Variants in KLHL29 observed in about 807,000 individuals in gnomAD.
KLHL29 encodes the protein kelch-like protein 29.
Under a neutral mutation model 80.4 loss-of-function variants are expected in KLHL29, and 21 were observed. The ratio of observed to expected loss-of-function variants is 0.26; its 90% confidence interval spans 0.19 to 0.38. The LOEUF is 0.38. Among genes scored for constraint, KLHL29 ranks in the 10% least tolerant of loss-of-function variants. KLHL29 has a pLI of 1.00. For synonymous variants in KLHL29, 511 were observed against 526.8 expected (o/e 0.97, Z 0.41); for missense variants, 867 against 1,223.9 (o/e 0.71, Z 4.35).
At chr2:23,496,162 C>T (rs754444537) in intron 2 of KLHL29, among the ~76,000 whole-genome samples, 2 of 152,210 alleles carry the variant, frequency 1.3e-5, no homozygotes, top group African/African-American at 2.4e-5. Context: ...CCGGCTTACC[C>T]GCTGCAGCAG....
intron 1 of KLHL29, among the ~76,000 whole-genome samples, chr2:23,421,695 G>C (rs1662811875): frequency 6.6e-6 from 1 of 150,562 alleles, no homozygotes; most frequent in African/African-American, 2.4e-5. Flanking sequence ...GTGTGACTGT[G>C]TATGTGTGAC....
rs942406858 is a variant in KLHL29 at position 23,647,924 on chromosome 2, G to A, written c.940+5074G>A. Among the ~76,000 whole-genome samples, 12 of 152,094 alleles carry A rather than the reference G, an allele frequency of 7.9e-5. No homozygotes were observed. Among genetic ancestry groups the A allele is most frequent in the African/African-American group, 1.2e-4 (5 of 41,394 alleles). On this transcript the variant is annotated intron_variant, in intron 5 of 13. Coordinates refer to ENST00000486442, the MANE Select transcript of KLHL29 (RefSeq NM_052920.2). The surrounding 1 kb of genome is among the most constrained non-coding windows in gnomAD (Gnocchi z 4.9). The stretch of plus-strand genomic sequence containing the variant: ...CCACTCCCCCCTCAGTATCCAAGCC[G>A]GTACCAGCACTCAGAGATGCCCCAG...
At chr2:23,484,261 G>C (rs1042936808) in intron 2 of KLHL29, among the ~76,000 whole-genome samples, 2 of 152,200 alleles carry the variant, frequency 1.3e-5, no homozygotes, top group Non-Finnish European at 2.9e-5. Context: ...CAGGCTGGTT[G>C]TGAAGAGAAT....
At chr2:23,449,806 A>G (rs1220178659) in intron 1 of KLHL29, among the ~76,000 whole-genome samples, 1 of 152,168 alleles carries the variant, frequency 6.6e-6, no homozygotes, top group African/African-American at 2.4e-5. Flanking sequence ...AACTCCTTGG[A>G]AAGCATAGCT....
chr2:23,515,621 A>T (rs1459887246), intron 2 of KLHL29, among the ~76,000 whole-genome samples: 1 of 152,182 alleles, frequency 6.6e-6, no homozygotes, highest in East Asian at 1.9e-4. Flanking sequence ...TATCTGTCTG[A>T]CCATCCCCCA....
In KLHL29 at chr2:23,548,601, C is replaced by T. The variant is rs143970861; in HGVS notation, c.-45-13551C>T. 4.9e-3 allele frequency among the ~76,000 whole-genome samples: 752 copies of T among 152,324 alleles called. 5 individuals carry two copies. The highest frequency in any genetic ancestry group is 0.017 in the African/African-American group (724 of 41,568). On this transcript the variant is annotated intron_variant, in intron 2 of 13. Transcript: ENST00000486442. The stretch of plus-strand genomic sequence containing the variant: ...ATGCGCCAACCCATCTCTCCTTTTG[C>T]CACAGTGGCCAGTCTGACAGCCGGG...
intron 1 of KLHL29, among the ~76,000 whole-genome samples, chr2:23,423,491 G>A (rs1340284075): frequency 6.6e-6 from 1 of 152,226 alleles, no homozygotes; most frequent in African/African-American, 2.4e-5. Context: ...TCCGTGCCTT[G>A]TCCTCTCAGA....
chr2:23,689,396 AC>A (rs1026652878), intron 6 of KLHL29: 1 of 152,134 alleles, frequency 6.6e-6, no homozygotes, highest in African/African-American at 2.4e-5. Flanking sequence ...GACAGGCAGC[AC>A]CCCTCAGGGC....
At position 23,539,431 on chromosome 2, in the gene KLHL29, C is replaced by CTTTTTTTTTTTTTTTTTTTTTTT. The variant is rs1666768797; in HGVS notation, c.-45-22721_-45-22720insTTTTTTTTTTTTTTTTTTTTTTT. On this transcript the variant is annotated intron_variant, in intron 2 of 13. Coordinates refer to ENST00000486442, the MANE Select transcript of KLHL29 (RefSeq NM_052920.2). ...ATGCTTTGCTAGCCTTATCCTGCCTCCTTTTTTTTTTTTTTTTTTTTTTTT... is the reference window on the plus strand; with the variant it reads ...ATGCTTTGCTAGCCTTATCCTGCCTCTTTTTTTTTTTTTTTTTTTTTTTCTTTTTTTTTTTTTTTTTTTTTTTT... Among the ~76,000 whole-genome samples, 5 of 107,216 alleles carry CTTTTTTTTTTTTTTTTTTTTTTT rather than the reference C, an allele frequency of 4.7e-5. 2 individuals are homozygous for CTTTTTTTTTTTTTTTTTTTTTTT. The highest frequency in any genetic ancestry group is 7.1e-5 in the African/African-American group (2 of 28,106). The allele number at this position is 107,216 out of a possible 152,430, so 70.3% of individuals were successfully genotyped here. A position where few individuals can be genotyped will look rare whatever the true frequency, so the allele number is the denominator to read the frequency against.
intron 2 of KLHL29, among the ~76,000 whole-genome samples, chr2:23,533,152 T>G (rs947296477): frequency 2.6e-5 from 4 of 152,016 alleles, no homozygotes; most frequent in Admixed American, 2.0e-4. Context: ...GAGGAAAAGG[T>G]GTACACATAC....
chr2:23,608,475 G>A lies in KLHL29; in HGVS notation c.286-30664G>A, dbSNP rs1275652166. ...TTTTTTCCTCTGTCTTATCTTCTAT[G>A]CCTGGAATATCGTAGGAGCTCAGAA... On this transcript the variant is annotated intron_variant, in intron 3 of 13. Coordinates refer to ENST00000486442, the MANE Select transcript of KLHL29 (RefSeq NM_052920.2). Among the ~76,000 whole-genome samples, 7 of 150,766 alleles carry A rather than the reference G, an allele frequency of 4.6e-5. No individual in the cohort carries two copies. In the South Asian group the frequency reaches 1.3e-3, roughly 27 times the overall value.
At chr2:23,673,737 AGG>A (rs1670843638) in intron 5 of KLHL29, among the ~76,000 whole-genome samples, 1 of 98,330 alleles carries the variant, frequency 1.0e-5, no homozygotes, top group East Asian at 3.2e-4. Flanking sequence ...GCACATACAC[AGG>A]GGTGCATGCA....
intron 1 of KLHL29, among the ~76,000 whole-genome samples, chr2:23,418,178 A>G (rs1006245508): frequency 5.9e-5 from 9 of 152,152 alleles, no homozygotes; most frequent in Admixed American, 5.2e-4. Flanking sequence ...TTCCAAACTG[A>G]AGAGGCCTTG....
At chr2:23,656,364 G>A (rs762658105) in intron 5 of KLHL29, among the ~76,000 whole-genome samples, 15 of 152,230 alleles carry the variant, frequency 9.9e-5, no homozygotes, top group Admixed American at 1.3e-4. Flanking sequence ...GAACCAACTG[G>A]CAGGACCGAG....
At chr2:23,407,626 G>A (rs943087467) in intron 1 of KLHL29, among the ~76,000 whole-genome samples, 1 of 151,886 alleles carries the variant, frequency 6.6e-6, no homozygotes, top group African/African-American at 2.4e-5. Context: ...AATCATCAAC[G>A]TTTTTGTTGT....
intron 1 of KLHL29, among the ~76,000 whole-genome samples, chr2:23,464,355 C>T (rs1039499528): frequency 7.9e-5 from 12 of 152,288 alleles, no homozygotes; most frequent in South Asian, 2.1e-4. Context: ...ATTAATTCCC[C>T]GCCAGCAGCT....
At chr2:23,638,513 C>G (rs1180640949) in intron 3 of KLHL29, among the ~76,000 whole-genome samples, 1 of 152,158 alleles carries the variant, frequency 6.6e-6, no homozygotes, top group Non-Finnish European at 1.5e-5. Context: ...CACCATCCAC[C>G]TAGGAGCAGT....
intron 11 of KLHL29, chr2:23,697,715 A>C (rs951712359): frequency 6.6e-6 from 1 of 151,026 alleles, no homozygotes; most frequent in Admixed American, 6.6e-5. Flanking sequence ...TAGTTATCAT[A>C]TTGATCTGGC....
At chr2:23,520,857 C>A (rs748981571) in intron 2 of KLHL29, among the ~76,000 whole-genome samples, 3 of 152,206 alleles carry the variant, frequency 2.0e-5, no homozygotes, top group Non-Finnish European at 4.4e-5. Flanking sequence ...TCATTTTCAT[C>A]TGTCTTTTCT....
Sources: allele counts gnomAD v4.1 joint callset (sites outside exome capture counted in the v4.1 genomes callset), GRCh38; gene constraint gnomAD v4.1.1; non-coding constraint Gnocchi (gnomAD v3.1); transcripts MANE v1.5; gene names NCBI Gene and HGNC (gene_info 2026-07-23, HGNC 2026-07-21).